The following SCML4 variants were observed in gnomAD, a reference collection of about 807,000 sequenced individuals.
SCML4 encodes sex comb on midleg-like protein 4.
In SCML4, 34 loss-of-function variants were observed where a neutral mutation model predicts 41.1. The observed-to-expected ratio is 0.83, with a 90% CI of 0.63 to 1.10. SCML4 has a LOEUF of 1.10. Ranked by LOEUF, SCML4 falls within the 50% of genes least tolerant of loss-of-function variation. The pLI is 0.00. For missense variants in SCML4, 522 were observed against 534.1 expected (o/e 0.98, Z 0.22); for synonymous variants, 214 against 220.9 (o/e 0.97, Z 0.28).
At chr6:107,776,585 T>C (rs576555329) in intron 1 of SCML4, among the ~76,000 whole-genome samples, 1 of 152,220 alleles carries the variant, frequency 6.6e-6, no homozygotes, top group South Asian at 2.1e-4. Flanking sequence ...CTCATGTTGG[T>C]GAGGGGCTGA....
At chr6:107,711,509 G>A (rs1205245977) in intron 6 of SCML4, among the ~76,000 whole-genome samples, 1 of 152,140 alleles carries the variant, frequency 6.6e-6, no homozygotes, top group East Asian at 1.9e-4. Flanking sequence ...ATACCATCTA[G>A]GTTTGTGCAA....
At chr6:107,768,116 G>T (rs1314768071) in intron 2 of SCML4, among the ~76,000 whole-genome samples, 1 of 145,616 alleles carries the variant, frequency 6.9e-6, no homozygotes, top group Non-Finnish European at 1.5e-5. Flanking sequence ...AAAAAAAAAA[G>T]TAAAAAAGTA....
At chr6:107,827,994 C>T (rs79256359), upstream of SCML4, among the ~76,000 whole-genome samples, 173 of 152,366 alleles carry the variant, frequency 1.1e-3, no homozygotes, top group Non-Finnish European at 2.2e-3. Context: ...TTTGTTATAA[C>T]AGTGATAGCT....
At chr6:107,805,249 C>T (rs1390426293) in intron 1 of SCML4, among the ~76,000 whole-genome samples, 4 of 152,148 alleles carry the variant, frequency 2.6e-5, no homozygotes, top group Non-Finnish European at 5.9e-5. Context: ...CTATTTGGCC[C>T]TTTATAGAAA....
intron 1 of SCML4, among the ~76,000 whole-genome samples, chr6:107,778,384 T>C (rs1255533887): frequency 6.6e-6 from 1 of 151,158 alleles, no homozygotes. Context: ...GAAAGCCATC[T>C]TGAAGCACAG....
chr6:107,767,574 C>T (rs1332389560), intron 2 of SCML4, among the ~76,000 whole-genome samples: 3 of 152,126 alleles, frequency 2.0e-5, no homozygotes, highest in African/African-American at 7.2e-5. Context: ...CAAAACATTG[C>T]ATTTACCCAT....
chr6:107,757,583 C>T (rs1003951305), intron 2 of SCML4, among the ~76,000 whole-genome samples: 1 of 152,134 alleles, frequency 6.6e-6, no homozygotes, highest in Non-Finnish European at 1.5e-5. Flanking sequence ...GAATGTCCAG[C>T]GTGGCCACTC....
At chr6:107,728,716 G>C (rs1159304589) in intron 5 of SCML4, among the ~76,000 whole-genome samples, 1 of 152,190 alleles carries the variant, frequency 6.6e-6, no homozygotes, top group Non-Finnish European at 1.5e-5. Flanking sequence ...ATTATCAGAA[G>C]GGAAAATAGG....
chr6:107,759,368 A>ATACATAT (rs61536006), intron 2 of SCML4, among the ~76,000 whole-genome samples: 2 of 149,010 alleles, frequency 1.3e-5, no homozygotes, highest in Non-Finnish European at 3.0e-5. Context: ...TACATACATA[A>ATACATAT]GGCTGCTGTT....
intron 2 of SCML4, among the ~76,000 whole-genome samples, chr6:107,770,473 T>A (rs370937789): frequency 6.6e-6 from 1 of 152,196 alleles, no homozygotes; most frequent in African/African-American, 2.4e-5. Context: ...CTGGGAGTTG[T>A]TGGCCTAAAA....
At position 107,717,023 on chromosome 6, in the gene SCML4, G is replaced by C. The variant is rs149203919; in HGVS notation, c.973+3680C>G. On this transcript the variant is annotated intron_variant, in intron 6 of 7. Transcript: ENST00000369020. ...CTGGTTAAAAGGAATCTTTCGGCTG[G>C]GCGGGGTGGCTCACGCCTGTGGTCC... Among the ~76,000 whole-genome samples the C allele has an allele frequency of 4.6e-5, 7 of 151,960 alleles. No individual in the cohort carries two copies. In the East Asian group the frequency reaches 1.4e-3, roughly 29 times the overall value.
chr6:107,837,907 T>C, the SCML4 span, among the ~76,000 whole-genome samples: 1 of 18,086 alleles, frequency 5.5e-5, no homozygotes, highest in Admixed American at 1.2e-3. Flanking sequence ...ATGATTTTCT[T>C]TTTTTTTTTT....
chr6:107,820,831 G>A (rs1381829825), intron 1 of SCML4, among the ~76,000 whole-genome samples: 1 of 152,138 alleles, frequency 6.6e-6, no homozygotes, highest in Non-Finnish European at 1.5e-5. Flanking sequence ...CAGAAGTTTG[G>A]GGTGGGGAAA....
intron 2 of SCML4, among the ~76,000 whole-genome samples, chr6:107,758,226 G>A (rs1779264463): frequency 6.6e-6 from 1 of 152,170 alleles, no homozygotes; most frequent in African/African-American, 2.4e-5. Context: ...CTATAAAGGG[G>A]TAACATTGAA....
chr6:107,791,368 G>A (rs952954140), intron 1 of SCML4, among the ~76,000 whole-genome samples: 1 of 152,102 alleles, frequency 6.6e-6, no homozygotes, highest in African/African-American at 2.4e-5. Flanking sequence ...TCACTTTAAT[G>A]AGCCCAAATC....
intron 5 of SCML4, among the ~76,000 whole-genome samples, chr6:107,743,136 AC>A (rs34465163): frequency 0.17 from 25,841 of 152,098 alleles, 2,283 homozygotes; most frequent in Middle Eastern, 0.2. Flanking sequence ...CTTTAAAGTA[AC>A]TTTTTATACC....
chr6:107,782,082 C>T (rs962167701), intron 1 of SCML4, among the ~76,000 whole-genome samples: 1 of 152,074 alleles, frequency 6.6e-6, no homozygotes, highest in Non-Finnish European at 1.5e-5. Flanking sequence ...TATTTAAGGA[C>T]AAGGAGGAAA....
chr6:107,721,531 GA>G (rs55720013), intron 5 of SCML4, among the ~76,000 whole-genome samples: 138,216 of 150,342 alleles, frequency 0.92, 63,526 homozygotes, highest in African/African-American at 0.93. Flanking sequence ...CTCAAAAAAA[GA>G]AAAAAAAAAA....
intron 1 of SCML4, among the ~76,000 whole-genome samples, chr6:107,806,701 C>T (rs1025811673): frequency 2.6e-5 from 4 of 152,336 alleles, no homozygotes; most frequent in Middle Eastern, 3.4e-3. Context: ...CAAATAATCC[C>T]GCCATCTCCC....
Sources: allele counts gnomAD v4.1 joint callset (sites outside exome capture counted in the v4.1 genomes callset), GRCh38; gene constraint gnomAD v4.1.1; transcripts MANE v1.5; gene names NCBI Gene and HGNC (gene_info 2026-07-23, HGNC 2026-07-21).